The following KAZN variants were observed in gnomAD, a reference collection of about 807,000 sequenced individuals.
The protein encoded by KAZN is kazrin, periplakin interacting protein, also known as kazrin.
A neutral mutation model predicts 87.4 loss-of-function variants in KAZN; 40 were observed. The ratio of observed to expected loss-of-function variants is 0.46; its 90% confidence interval spans 0.36 to 0.60. The LOEUF (loss-of-function observed/expected upper bound fraction) is 0.60, where lower values mean the gene tolerates loss of function less well. Among genes scored for constraint, KAZN ranks in the 20% least tolerant of loss-of-function variants. The pLI, the probability that KAZN is intolerant of heterozygous loss-of-function variation, is 0.00. For missense variants in KAZN, 898 were observed against 1,073.9 expected (o/e 0.84, Z 2.29); for synonymous variants, 466 against 458.3 (o/e 1.02, Z -0.22).
At chr1:14,137,402 T>C (rs1202741876) in intron 1 of KAZN, among the ~76,000 whole-genome samples, 3 of 152,214 alleles carry the variant, frequency 2.0e-5, no homozygotes, top group Non-Finnish European at 4.4e-5. Context: ...ATCCATCTAC[T>C]GACCAGAACC....
At chr1:13,938,028 G>T (rs1024080204) in intron 1 of KAZN, among the ~76,000 whole-genome samples, 2 of 152,150 alleles carry the variant, frequency 1.3e-5, no homozygotes, top group Non-Finnish European at 2.9e-5. Context: ...TTGGTTCCAT[G>T]TGAATTTCAG....
intron 1 of KAZN, among the ~76,000 whole-genome samples, chr1:13,900,596 A>G (rs1182983889): frequency 2.0e-5 from 3 of 152,178 alleles, no homozygotes; most frequent in African/African-American, 7.2e-5. Flanking sequence ...CTCCCACATC[A>G]CTACATCAGA....
chr1:14,294,111 C>G (rs534414158), intron 2 of KAZN, among the ~76,000 whole-genome samples: 3 of 152,294 alleles, frequency 2.0e-5, no homozygotes, highest in African/African-American at 7.2e-5. Context: ...GATGAGCGAA[C>G]TTGGCCACGG....
At chr1:14,864,963 T>A (rs984245099) in intron 1 of KAZN, among the ~76,000 whole-genome samples, 1 of 152,128 alleles carries the variant, frequency 6.6e-6, no homozygotes, top group Non-Finnish European at 1.5e-5. Flanking sequence ...AAACTGCCAT[T>A]AGTGTTACCC....
chr1:14,320,016 C>G (rs564972765), intron 2 of KAZN, among the ~76,000 whole-genome samples: 1 of 152,262 alleles, frequency 6.6e-6, no homozygotes, highest in African/African-American at 2.4e-5. Context: ...GATCAATGAT[C>G]GGATGTTTAT....
intron 2 of KAZN, among the ~76,000 whole-genome samples, chr1:14,980,738 C>T (rs983111122): frequency 5.3e-5 from 8 of 152,102 alleles, no homozygotes; most frequent in Non-Finnish European, 7.4e-5. Flanking sequence ...GAAACCATTC[C>T]GATGCCATGA....
chr1:14,891,999 C>G (rs1654769988), intron 1 of KAZN, among the ~76,000 whole-genome samples: 1 of 152,100 alleles, frequency 6.6e-6, no homozygotes, highest in South Asian at 2.1e-4. Flanking sequence ...CCAGAAGCTA[C>G]TGGAAGGTGT....
At position 14,770,293 on chromosome 1, in the gene KAZN, G is replaced by A. The variant is rs540366449; in HGVS notation, c.226+171070G>A. Among the ~76,000 whole-genome samples the A allele has an allele frequency of 4.6e-5, 7 of 152,336 alleles. No homozygotes were observed. In the South Asian group the frequency reaches 1.2e-3, roughly 27 times the overall value. ...GATAGGATGGTCAACAGTCAATGGGGAATCTCATTTTGAAGCTAATGTATG... is the reference window on the plus strand; with the variant it reads ...GATAGGATGGTCAACAGTCAATGGGAAATCTCATTTTGAAGCTAATGTATG... On this transcript the variant is annotated intron_variant, in intron 1 of 14. Coordinates refer to ENST00000376030, the MANE Select transcript of KAZN (RefSeq NM_201628.3).
intron 2 of KAZN, among the ~76,000 whole-genome samples, chr1:14,362,858 T>C (rs1659636488): frequency 1.3e-5 from 2 of 152,168 alleles, no homozygotes; most frequent in African/African-American, 4.8e-5. Context: ...TGCCAATATA[T>C]ATATTTGTCT....
At chr1:14,156,201 T>C (rs1645590709) in intron 1 of KAZN, among the ~76,000 whole-genome samples, 1 of 152,208 alleles carries the variant, frequency 6.6e-6, no homozygotes, top group Non-Finnish European at 1.5e-5. Flanking sequence ...TCAGAGAAGA[T>C]GCTTGATATT....
intron 1 of KAZN, among the ~76,000 whole-genome samples, chr1:14,035,626 A>G (rs1641522746): frequency 1.3e-5 from 1 of 78,906 alleles, no homozygotes; most frequent in African/African-American, 5.3e-5. Flanking sequence ...TGAGTCACCA[A>G]GCCTGGATAA....
At chr1:14,419,948 G>A (rs185343235) in intron 2 of KAZN, among the ~76,000 whole-genome samples, 59 of 152,280 alleles carry the variant, frequency 3.9e-4, no homozygotes, top group African/African-American at 1.3e-3. Context: ...CTTCCACAAG[G>A]TGGAAGGGAA....
At chr1:14,614,454 TAG>T (rs1485216505) in intron 1 of KAZN, among the ~76,000 whole-genome samples, 4 of 152,184 alleles carry the variant, frequency 2.6e-5, no homozygotes, top group Non-Finnish European at 5.9e-5. Flanking sequence ...GAGTGAACAT[TAG>T]AGAGAGGCAG....
rs114457101 is a variant in KAZN at position 15,002,234 on chromosome 1, T to C, written c.419-32515T>C. 7.5e-3 allele frequency among the ~76,000 whole-genome samples: 1,139 copies of C among 152,290 alleles called. 11 individuals are homozygous for C. Among genetic ancestry groups the C allele is most frequent in the African/African-American group, 0.026 (1,089 of 41,554 alleles). On this transcript the variant is annotated intron_variant, in intron 2 of 14. Coordinates refer to ENST00000376030, the MANE Select transcript of KAZN (RefSeq NM_201628.3). Reference sequence around the variant, plus strand: ...TCCTGTTCTTTCTCCCAGCCGAGGCTGGCCCCAGCCAAAATTCACTGATAC... The same window carrying C: ...TCCTGTTCTTTCTCCCAGCCGAGGCCGGCCCCAGCCAAAATTCACTGATAC...
intron 2 of KAZN, among the ~76,000 whole-genome samples, chr1:14,518,980 A>G (rs2148460863): frequency 6.6e-6 from 1 of 152,254 alleles, no homozygotes; most frequent in South Asian, 2.1e-4. Context: ...CTGTTGCTCT[A>G]GGGACCCTGA....
intron 8 of KAZN, among the ~76,000 whole-genome samples, chr1:15,076,151 G>A (rs1319948129): frequency 6.6e-6 from 1 of 152,212 alleles, no homozygotes; most frequent in Non-Finnish European, 1.5e-5. Flanking sequence ...AGCTGTGGTG[G>A]CAAGGAGGAG....
intron 2 of KAZN, among the ~76,000 whole-genome samples, chr1:14,444,342 C>T (rs1258986436): frequency 4.1e-5 from 5 of 121,472 alleles, no homozygotes; most frequent in African/African-American, 1.7e-4. Flanking sequence ...GATGGAATCT[C>T]GCTCTTGTCA....
chr1:14,661,590 C>A (rs990223615), intron 1 of KAZN, among the ~76,000 whole-genome samples: 3 of 149,164 alleles, frequency 2.0e-5, no homozygotes, highest in African/African-American at 7.4e-5. Flanking sequence ...GTTTGCTGAT[C>A]CTGGTTAAGA....
chr1:14,762,104 C>T (rs1008873595), intron 1 of KAZN, among the ~76,000 whole-genome samples: 4 of 152,078 alleles, frequency 2.6e-5, no homozygotes, highest in East Asian at 3.9e-4. Flanking sequence ...CTCAGGATGA[C>T]GGTGGTTCCA....
Sources: allele counts gnomAD v4.1 joint callset (sites outside exome capture counted in the v4.1 genomes callset), GRCh38; gene constraint gnomAD v4.1.1; transcripts MANE v1.5; gene names NCBI Gene and HGNC (gene_info 2026-07-23, HGNC 2026-07-21).